CTNNA2: variants seen among roughly 807,000 people sequenced by gnomAD.
CTNNA2 encodes catenin alpha 2.
CTNNA2 carries 42 observed loss-of-function variants against 101.0 expected under a neutral mutation model. That is an observed-to-expected ratio of 0.42 (90% CI 0.32 to 0.54). The LOEUF is 0.54. CTNNA2 is among the 20% of genes least tolerant of loss of function. The probability of loss-of-function intolerance (pLI) is 0.14; values close to 1 mark genes in which losing one functional copy is unlikely to be tolerated. For synonymous variants in CTNNA2, 450 were observed against 456.4 expected (o/e 0.99, Z 0.18); for missense variants, 871 against 1,223.1 (o/e 0.71, Z 4.29).
chr2:79,800,214 G>A lies in CTNNA2; in HGVS notation c.298+55632G>A, dbSNP rs114316827. Among the ~76,000 whole-genome samples the A allele has an allele frequency of 5.3e-3, 808 of 152,126 alleles. 6 individuals carry two copies. Among genetic ancestry groups the A allele is most frequent in the African/African-American group, 0.019 (769 of 41,504 alleles). On this transcript the variant is annotated intron_variant, in intron 3 of 18. Transcript: ENST00000402739. ...TTATTTTTATATCAAGAGATTTTAC[G>A]GTAGTTTGGAAAGTTAGAAAACTAA...
At chr2:80,243,554 T>C (rs559403901) in intron 7 of CTNNA2, among the ~76,000 whole-genome samples, 11 of 152,234 alleles carry the variant, frequency 7.2e-5, no homozygotes, top group African/African-American at 2.6e-4. Context: ...CTTCTTTCTG[T>C]CAACAGGATT....
intron 2 of CTNNA2, among the ~76,000 whole-genome samples, chr2:79,268,706 C>T (rs915017399): frequency 1.4e-4 from 21 of 152,170 alleles, no homozygotes; most frequent in African/African-American, 4.3e-4. Flanking sequence ...GGACACCTGG[C>T]TGGTGCCTAC....
Position 79,792,253 on chromosome 2 carries a change from A to G in CTNNA2, c.298+47671A>G, listed in dbSNP as rs117057660. Among the ~76,000 whole-genome samples the G allele has an allele frequency of 4.6e-5, 7 of 152,304 alleles. No individual in the cohort carries two copies. The East Asian group carries it at 1.4e-3, about 29-fold the overall frequency. ...CACTGGGTACTCTTTGTACCTGACT[A>G]GCTTTTCAAGGATGTTTGCATAGTA... is the stretch of plus-strand genomic sequence containing the variant. On this transcript the variant is annotated intron_variant, in intron 3 of 18. Transcript: ENST00000402739.
chr2:80,252,210 G>C (rs1671819714), intron 7 of CTNNA2, among the ~76,000 whole-genome samples: 1 of 152,088 alleles, frequency 6.6e-6, no homozygotes, highest in Non-Finnish European at 1.5e-5. Context: ...TTTATTTACT[G>C]ACCCTCTTAA....
At chr2:79,495,769 A>T (rs943304174) in intron 4 of CTNNA2, among the ~76,000 whole-genome samples, 3 of 152,190 alleles carry the variant, frequency 2.0e-5, no homozygotes, top group Non-Finnish European at 4.4e-5. Context: ...TTATTTAGTA[A>T]TTTTTTAAAA....
At chr2:80,478,476 C>T (rs993342438) in intron 9 of CTNNA2, among the ~76,000 whole-genome samples, 6 of 152,036 alleles carry the variant, frequency 3.9e-5, no homozygotes, top group African/African-American at 1.2e-4. Flanking sequence ...GGCCAATGAC[C>T]AGAAGAGTTT....
chr2:80,033,711 A>G (rs1014683228), intron 7 of CTNNA2, among the ~76,000 whole-genome samples: 3 of 152,222 alleles, frequency 2.0e-5, no homozygotes, highest in African/African-American at 7.2e-5. Context: ...TGAAGTATCT[A>G]TGGTTAGAAA....
chr2:80,120,936 G>A (rs1380974974), intron 7 of CTNNA2, among the ~76,000 whole-genome samples: 25 of 152,178 alleles, frequency 1.6e-4, no homozygotes, highest in Admixed American at 1.6e-3. Flanking sequence ...TAAGTGGAGT[G>A]TGTGGTGTAA....
intron 3 of CTNNA2, among the ~76,000 whole-genome samples, chr2:79,830,175 T>TA (rs1309131289): frequency 7.3e-6 from 1 of 137,068 alleles, no homozygotes; most frequent in African/African-American, 2.5e-5. Flanking sequence ...CAAGAGTACA[T>TA]AAGGGAGATA....
chr2:80,395,068 A>ATT (rs1677881684), intron 8 of CTNNA2, among the ~76,000 whole-genome samples: 1 of 152,204 alleles, frequency 6.6e-6, no homozygotes, highest in African/African-American at 2.4e-5. Context: ...AAATGAATGA[A>ATT]AAAGTAATTT....
At chr2:79,900,676 G>T (rs112516809) in intron 6 of CTNNA2, among the ~76,000 whole-genome samples, 88 of 152,196 alleles carry the variant, frequency 5.8e-4, no homozygotes, top group African/African-American at 2.0e-3. Context: ...TGTGGTATCC[G>T]TGAAATATAA....
intron 3 of CTNNA2, among the ~76,000 whole-genome samples, chr2:79,357,144 T>C (rs1311859968): frequency 1.3e-5 from 2 of 152,094 alleles, no homozygotes; most frequent in South Asian, 4.1e-4. Flanking sequence ...CTGGGCAACA[T>C]AGCAAGGCCT....
At chr2:79,963,362 A>G (rs1689797795) in intron 7 of CTNNA2, among the ~76,000 whole-genome samples, 1 of 152,190 alleles carries the variant, frequency 6.6e-6, no homozygotes, top group South Asian at 2.1e-4. Context: ...GTCAAGCGCC[A>G]CAGTCTAGGT....
At chr2:80,453,763 A>T (rs1683729839) in intron 9 of CTNNA2, among the ~76,000 whole-genome samples, 1 of 152,084 alleles carries the variant, frequency 6.6e-6, no homozygotes, top group South Asian at 2.1e-4. Context: ...AATCAGAATG[A>T]TTTTGTCCTT....
chr2:79,570,495 T>C (rs1675397219), intron 1 of CTNNA2, among the ~76,000 whole-genome samples: 1 of 152,168 alleles, frequency 6.6e-6, no homozygotes, highest in Non-Finnish European at 1.5e-5. Flanking sequence ...GAATTAAGAA[T>C]CTGTACATGA....
intron 2 of CTNNA2, among the ~76,000 whole-genome samples, chr2:79,305,253 T>C (rs1332370315): frequency 6.6e-6 from 1 of 150,728 alleles, no homozygotes; most frequent in Non-Finnish European, 1.5e-5. Flanking sequence ...CACAAACACA[T>C]CTCCGTGAGT....
At chr2:79,793,888 G>GCGGCACACACACACA (rs1553469157) in intron 3 of CTNNA2, among the ~76,000 whole-genome samples, 1 of 142,624 alleles carries the variant, frequency 7.0e-6, no homozygotes, top group African/African-American at 2.6e-5. Flanking sequence ...ACACACTCAT[G>GCGGCACACACACACA]CACACACACA....
chr2:79,894,856 T>C (rs1436914065), intron 6 of CTNNA2, among the ~76,000 whole-genome samples: 1 of 152,216 alleles, frequency 6.6e-6, no homozygotes, highest in Non-Finnish European at 1.5e-5. Flanking sequence ...CATGCACTTT[T>C]AGCACAAAGA....
chr2:80,420,542 G>T (rs1011862714), intron 9 of CTNNA2, among the ~76,000 whole-genome samples: 2 of 151,944 alleles, frequency 1.3e-5, no homozygotes, highest in African/African-American at 4.8e-5. Context: ...AAACTTAAAT[G>T]CAAGCTGAAA....
Sources: allele counts gnomAD v4.1 joint callset (sites outside exome capture counted in the v4.1 genomes callset), GRCh38; gene constraint gnomAD v4.1.1; transcripts MANE v1.5; gene names NCBI Gene and HGNC (gene_info 2026-07-23, HGNC 2026-07-21).